Variants in NRXN1 observed in about 807,000 individuals in gnomAD.
NRXN1 encodes the protein neurexin-1.
NRXN1 carries 39 observed loss-of-function variants against 150.9 expected under a neutral mutation model. The ratio of observed to expected loss-of-function variants is 0.26; its 90% CI spans 0.20 to 0.34. The LOEUF is 0.34. Among genes scored for constraint, NRXN1 ranks in the 10% least tolerant of loss-of-function variants. The pLI, the probability that NRXN1 is intolerant of heterozygous loss-of-function variation, is 1.00. For synonymous variants in NRXN1, 924 were observed against 757.0 expected (o/e 1.22, Z -3.62); for missense variants, 1,815 against 1,949.9 (o/e 0.93, Z 1.30).
At chr2:49,981,710 A>C (rs962848684) in intron 21 of NRXN1, among the ~76,000 whole-genome samples, 89 of 152,242 alleles carry the variant, frequency 5.8e-4, no homozygotes, top group African/African-American at 2.1e-3. Context: ...AAAACTGTGA[A>C]ATCTGAGTTA....
chr2:50,432,799 C>G (rs1484230562), intron 17 of NRXN1, among the ~76,000 whole-genome samples: 1 of 152,224 alleles, frequency 6.6e-6, no homozygotes, highest in East Asian at 1.9e-4. Flanking sequence ...GTACAAAATT[C>G]CTGATAGCAT....
At chr2:50,411,200 TA>T (rs1452092045) in intron 17 of NRXN1, among the ~76,000 whole-genome samples, 4 of 152,114 alleles carry the variant, frequency 2.6e-5, no homozygotes, top group Non-Finnish European at 5.9e-5. Context: ...CTGGTTTTCA[TA>T]TTTTTTGGTG....
chr2:50,901,898 C>G (rs571623251), intron 5 of NRXN1, among the ~76,000 whole-genome samples: 1 of 152,152 alleles, frequency 6.6e-6, no homozygotes, highest in African/African-American at 2.4e-5. Flanking sequence ...CATTGCAACA[C>G]GCATGGCGAA....
At chr2:50,499,671 G>C (rs2091840388) in intron 13 of NRXN1, among the ~76,000 whole-genome samples, 1 of 152,174 alleles carries the variant, frequency 6.6e-6, no homozygotes, top group South Asian at 2.1e-4. Context: ...AAATCGTCTA[G>C]ATGCGGTGGC....
intron 21 of NRXN1, among the ~76,000 whole-genome samples, chr2:49,959,318 G>GA (rs2104532232): frequency 1.3e-5 from 2 of 152,250 alleles, no homozygotes; most frequent in South Asian, 4.1e-4. Context: ...TTTGCTACCT[G>GA]AAAAACTCGA....
At chr2:50,531,524 G>C in intron 10 of NRXN1, 94 bp from the exon 11 acceptor site, 1 of 911,980 alleles carries the variant, frequency 1.1e-6, no homozygotes. Context: ...ATTTATTTAA[G>C]ACTTCCAGAA....
intron 5 of NRXN1, among the ~76,000 whole-genome samples, chr2:50,680,651 A>C (rs866630191): frequency 1.3e-5 from 2 of 152,104 alleles, no homozygotes; most frequent in African/African-American, 4.8e-5. Flanking sequence ...AGCCTTTGTG[A>C]GATAGAAATT....
At chr2:50,046,914 A>G (rs1023426656) in intron 21 of NRXN1, among the ~76,000 whole-genome samples, 1 of 152,212 alleles carries the variant, frequency 6.6e-6, no homozygotes, top group Non-Finnish European at 1.5e-5. Flanking sequence ...AAGGAGTAAT[A>G]CATGATACAA....
intron 5 of NRXN1, among the ~76,000 whole-genome samples, chr2:50,634,392 T>C (rs1682917015): frequency 6.6e-6 from 1 of 152,182 alleles, no homozygotes; most frequent in South Asian, 2.1e-4. Context: ...AAAGTCTTAG[T>C]TTTCTTGTCA....
intron 19 of NRXN1, among the ~76,000 whole-genome samples, chr2:50,070,845 G>A (rs1696180039): frequency 6.6e-6 from 1 of 150,834 alleles, no homozygotes; most frequent in Admixed American, 6.6e-5. Flanking sequence ...TTAAAACCCA[G>A]GCATCCTAAA....
At chr2:49,949,262 A>G (rs1375355286) in intron 21 of NRXN1, among the ~76,000 whole-genome samples, 2 of 151,872 alleles carry the variant, frequency 1.3e-5, no homozygotes, top group South Asian at 2.1e-4. Flanking sequence ...ACACAGATGT[A>G]TGTTTGTTAT....
intron 17 of NRXN1, among the ~76,000 whole-genome samples, chr2:50,265,983 A>G: frequency 1.1e-5 from 1 of 93,448 alleles, no homozygotes; most frequent in Non-Finnish European, 2.1e-5. Context: ...TATTATTATT[A>G]TTATTATTAT....
intron 8 of NRXN1, among the ~76,000 whole-genome samples, chr2:50,581,469 A>T (rs1473726446): frequency 6.6e-6 from 1 of 152,212 alleles, no homozygotes; most frequent in East Asian, 1.9e-4. Context: ...TTCATAGGTA[A>T]TATAAAGGAT....
intron 17 of NRXN1, among the ~76,000 whole-genome samples, chr2:50,377,658 A>G (rs1440553145): frequency 1.3e-5 from 2 of 152,180 alleles, no homozygotes; most frequent in African/African-American, 4.8e-5. Context: ...CTCAGATCTC[A>G]GTTCCTACCT....
intron 5 of NRXN1, among the ~76,000 whole-genome samples, chr2:50,890,917 G>A (rs963515739): frequency 2.6e-5 from 4 of 151,778 alleles, no homozygotes; most frequent in African/African-American, 7.3e-5. Context: ...TTACTTCAAC[G>A]TAAAGAATAA....
At chr2:50,676,555 A>G (rs1689573576) in intron 5 of NRXN1, among the ~76,000 whole-genome samples, 1 of 152,170 alleles carries the variant, frequency 6.6e-6, no homozygotes, top group Non-Finnish European at 1.5e-5. Context: ...ATTTGTGTCC[A>G]CTTAACTAGT....
intron 2 of NRXN1, among the ~76,000 whole-genome samples, chr2:50,976,803 T>C (rs550835608): frequency 1.1e-3 from 166 of 152,066 alleles, no homozygotes; most frequent in African/African-American, 3.9e-3. Flanking sequence ...AAAAAAATCA[T>C]CGATTAAATA....
At chr2:50,138,303 G>A (rs1706716837) in intron 18 of NRXN1, among the ~76,000 whole-genome samples, 1 of 151,852 alleles carries the variant, frequency 6.6e-6, no homozygotes, top group Non-Finnish European at 1.5e-5. Flanking sequence ...GATGAGTTGG[G>A]GGTTAGGTGG....
intron 18 of NRXN1, among the ~76,000 whole-genome samples, chr2:50,168,933 T>C (rs2059849440): frequency 1.3e-5 from 2 of 152,198 alleles, no homozygotes; most frequent in Admixed American, 1.3e-4. Flanking sequence ...GTTCAAAAAC[T>C]CTAAGGCATT....
Sources: allele counts gnomAD v4.1 joint callset (sites outside exome capture counted in the v4.1 genomes callset), GRCh38; gene constraint gnomAD v4.1.1; transcripts MANE v1.5; gene names NCBI Gene and HGNC (gene_info 2026-07-23, HGNC 2026-07-21).